The following SDCCAG8 variants were observed in gnomAD, a reference collection of about 807,000 sequenced individuals.
SDCCAG8 encodes the protein SHH signaling and ciliogenesis regulator SDCCAG8, also known as serologically defined colon cancer antigen 8.
In SDCCAG8, 74 loss-of-function variants were observed where a neutral mutation model predicts 101.8. The observed-to-expected ratio is 0.73, with a 90% CI of 0.60 to 0.88. SDCCAG8 has a LOEUF of 0.88. SDCCAG8 is among the 40% of genes least tolerant of loss of function. The pLI is 0.00. For missense variants in SDCCAG8, 787 were observed against 822.6 expected (o/e 0.96, Z 0.53); for synonymous variants, 281 against 292.9 (o/e 0.96, Z 0.41).
rs372453555 is a variant in SDCCAG8 at position 243,378,783 on chromosome 1, G to T, written c.1536G>T (p.Gln512His). The T allele has an allele frequency of 3.7e-6, 6 of 1,614,014 alleles. No individual in the cohort carries two copies. Among genetic ancestry groups the T allele is most frequent in the South Asian group, 1.1e-5 (1 of 91,092 alleles). The change falls in exon 13 of 18, where the codon CAG becomes CAT. Residue 512 changes from glutamine to histidine, a missense_variant. Gln to His is a conservative substitution (Grantham distance 24). Transcript: ENST00000366541. ...ESKQHLEQEQ[Q>H]KAALAREECL... ...AACAACACTTGGAACAGGAGCAGCA[G>T]AAGGCAGCCCTGGCCAGAGAGGAGT...
chr1:243,434,785 T>C (rs1023209837), intron 16 of SDCCAG8, among the ~76,000 whole-genome samples: 2 of 152,100 alleles, frequency 1.3e-5, no homozygotes, highest in Non-Finnish European at 2.9e-5. Context: ...TCCCAATAAG[T>C]TGGGAGCTTT....
Position 243,307,051 on chromosome 1 carries a change from GT to G in SDCCAG8, c.741-929del, listed in dbSNP as rs1159311378. On this transcript the variant is annotated intron_variant, in intron 7 of 17. Transcript: ENST00000366541. ...AGTAGTCTCATTTTTCAGCTAGAAA[GT>G]TTTTTTTTGTTTTTTTTTTTTTTGA... Among the ~76,000 whole-genome samples, 444 of 147,086 alleles carry G rather than the reference GT, an allele frequency of 3.0e-3. 4 individuals are homozygous for G. The highest frequency in any genetic ancestry group is 0.011 in the African/African-American group (427 of 38,912).
At chr1:243,364,947 G>A (rs542526636) in intron 12 of SDCCAG8, among the ~76,000 whole-genome samples, 6 of 152,216 alleles carry the variant, frequency 3.9e-5, no homozygotes, top group South Asian at 2.1e-4. Context: ...AGAGCAAAAC[G>A]AAAAAGTTCT....
intron 16 of SDCCAG8, among the ~76,000 whole-genome samples, chr1:243,438,158 C>T (rs1205360785): frequency 1.3e-5 from 2 of 152,134 alleles, no homozygotes; most frequent in Non-Finnish European, 2.9e-5. Context: ...TTCAATCTTT[C>T]CTGTGCGCAT....
At chr1:243,331,039 A>G (rs1352577838) in intron 10 of SDCCAG8, among the ~76,000 whole-genome samples, 2 of 152,204 alleles carry the variant, frequency 1.3e-5, no homozygotes, top group Non-Finnish European at 2.9e-5. Flanking sequence ...GGCTAAATCA[A>G]GGAGAGATGA....
chr1:243,499,757 T>TA lies in SDCCAG8; in HGVS notation c.2115dup (p.Pro706ThrfsTer7), dbSNP rs1370873441. The TA allele has an allele frequency of 1.2e-6, 2 of 1,611,400 alleles. No individual in the cohort carries two copies. The highest frequency in any genetic ancestry group is 2.7e-5 in the African/African-American group (2 of 75,002). ...CTTACTTTTTATTATTTTTTCCAGT[T>TA]ACCCAGCATGCCACAATCTGATTGC... On this transcript the variant is annotated frameshift_variant and splice_region_variant, in exon 18 of 18. Transcript: ENST00000366541. LOFTEE classifies it high-confidence loss of function.
intron 9 of SDCCAG8, among the ~76,000 whole-genome samples, chr1:243,322,951 G>T (rs914806477): frequency 6.6e-6 from 1 of 151,856 alleles, no homozygotes; most frequent in Non-Finnish European, 1.5e-5. Context: ...CCTGGCCAAT[G>T]TGGTGAGACC....
At chr1:243,286,494 A>G in intron 5 of SDCCAG8, 97 bp downstream of exon 5, 4 of 1,311,712 alleles carry the variant, frequency 3.0e-6, no homozygotes, top group Middle Eastern at 3.6e-4. Flanking sequence ...TTCTCCCTGA[A>G]GTGTGGCCAA....
intron 13 of SDCCAG8, among the ~76,000 whole-genome samples, chr1:243,382,957 G>T (rs1316443258): frequency 6.6e-6 from 1 of 152,204 alleles, no homozygotes; most frequent in African/African-American, 2.4e-5. Context: ...CAGAGGAAAA[G>T]AATACTTTTC....
chr1:243,336,636 G>C (rs758623893), intron 10 of SDCCAG8, among the ~76,000 whole-genome samples: 1 of 152,080 alleles, frequency 6.6e-6, no homozygotes, highest in Non-Finnish European at 1.5e-5. Flanking sequence ...AGAACAGCCA[G>C]GGGGAAACTG....
chr1:243,423,886 A>T (rs940835036), intron 15 of SDCCAG8, among the ~76,000 whole-genome samples: 7 of 152,118 alleles, frequency 4.6e-5, no homozygotes, highest in African/African-American at 1.7e-4. Flanking sequence ...GAGAAAAGAA[A>T]AGAAACCCTT....
At chr1:243,339,816 C>T (rs1308107754) in intron 10 of SDCCAG8, among the ~76,000 whole-genome samples, 1 of 152,206 alleles carries the variant, frequency 6.6e-6, no homozygotes, top group Non-Finnish European at 1.5e-5. Context: ...ACTGAATTCA[C>T]ACCCATGTCA....
chr1:243,384,776 C>T lies in SDCCAG8; in HGVS notation c.1616+5913C>T, dbSNP rs572546013. On this transcript the variant is annotated intron_variant, in intron 13 of 17. Transcript: ENST00000366541. ...TGGGTAACATAGCATGACCGCATCTCTGGGGGAAAAAAAAATGACAGTATT... is the reference window on the plus strand; with the variant it reads ...TGGGTAACATAGCATGACCGCATCTTTGGGGGAAAAAAAAATGACAGTATT... Among the ~76,000 whole-genome samples the T allele has an allele frequency of 4.6e-5, 7 of 151,658 alleles. No homozygotes were observed. In the South Asian group the frequency reaches 1.5e-3, roughly 32 times the overall value.
In SDCCAG8 at chr1:243,274,603, A is replaced by C; in HGVS notation, c.367A>C (p.Asn123His). The change falls in exon 4 of 18, where the codon AAT (asparagine) becomes CAT (histidine). Residue 123 changes from asparagine (N) to histidine (H), a missense_variant. Physicochemically the swap from Asn to His is moderately conservative, Grantham distance 68. Coordinates refer to ENST00000366541, the MANE Select transcript of SDCCAG8 (RefSeq NM_006642.5). ...PTMHDLVHTI[N>H]DQSQYIHHLE... ...TATGCACGACCTTGTTCATACTATT[A>C]ATGACCAGTCTCAATATATTCATCA... The C allele has an allele frequency of 6.2e-7, 1 of 1,611,904 alleles. No homozygotes were observed. Among genetic ancestry groups the C allele is most frequent in the Non-Finnish European group, 8.5e-7 (1 of 1,178,416 alleles).
At chr1:243,470,758 TC>T (rs1262919789) in intron 16 of SDCCAG8, among the ~76,000 whole-genome samples, 2 of 152,042 alleles carry the variant, frequency 1.3e-5, no homozygotes, top group African/African-American at 4.8e-5. Context: ...AAGGGTGCTG[TC>T]CCCCTCCTGT....
intron 12 of SDCCAG8, among the ~76,000 whole-genome samples, chr1:243,367,432 GT>G (rs559856164): frequency 6.7e-5 from 10 of 148,264 alleles, no homozygotes; most frequent in Middle Eastern, 3.2e-3. Context: ...GTTAGGTGTA[GT>G]TTTTTTTTTA....
intron 17 of SDCCAG8, among the ~76,000 whole-genome samples, chr1:243,496,666 G>A (rs374912213): frequency 6.6e-6 from 1 of 152,312 alleles, no homozygotes; most frequent in South Asian, 2.1e-4. Context: ...CCATCTCCCC[G>A]GGCTGCCACT....
At chr1:243,378,929 C>T (rs965849255) in intron 13 of SDCCAG8, 66 bp downstream of exon 13, 3 of 1,597,166 alleles carry the variant, frequency 1.9e-6, no homozygotes, top group Non-Finnish European at 2.6e-6. Context: ...CCACAGGCTT[C>T]CAAACAGTTG....
chr1:243,332,733 G>A (rs930067434), intron 10 of SDCCAG8, among the ~76,000 whole-genome samples: 6 of 145,758 alleles, frequency 4.1e-5, no homozygotes, highest in African/African-American at 1.0e-4. Flanking sequence ...TGATTTTCGC[G>A]GTCCAGGTCT....
Sources: allele counts gnomAD v4.1 joint callset (sites outside exome capture counted in the v4.1 genomes callset), GRCh38; gene constraint gnomAD v4.1.1; transcripts MANE v1.5; gene names NCBI Gene and HGNC (gene_info 2026-07-23, HGNC 2026-07-21).